GSE1: variants seen among roughly 807,000 people sequenced by gnomAD.
GSE1 encodes genetic suppressor element 1.
GSE1 carries 32 observed loss-of-function variants against 112.6 expected under a neutral mutation model. The ratio of observed to expected loss-of-function variants is 0.28; its 90% CI spans 0.21 to 0.38. The LOEUF (loss-of-function observed/expected upper bound fraction) is 0.38, where lower values mean the gene tolerates loss of function less well. Ranked by LOEUF, GSE1 falls within the 10% of genes least tolerant of loss-of-function variation. The probability of loss-of-function intolerance (pLI) is 1.00; values close to 1 mark genes in which losing one functional copy is unlikely to be tolerated. For synonymous variants in GSE1, 1,115 were observed against 735.6 expected (o/e 1.52, Z -8.35); for missense variants, 2,348 against 1,699.2 (o/e 1.38, Z -6.71).
chr16:85,289,370 G>A (rs1322682675), intron 1 of GSE1, among the ~76,000 whole-genome samples: 4 of 152,120 alleles, frequency 2.6e-5, no homozygotes, highest in Admixed American at 6.6e-5. Flanking sequence ...GTGGCCACCC[G>A]TGTCCAGCTC....
intron 1 of GSE1, among the ~76,000 whole-genome samples, chr16:85,305,469 T>G (rs564253640): frequency 2.5e-3 from 267 of 107,944 alleles, no homozygotes; most frequent in Non-Finnish European, 3.8e-3. Flanking sequence ...TTTTGTTGTT[T>G]TTTTTTTTTT....
chr16:85,565,066 G>C (rs1180883947), intron 1 of GSE1, among the ~76,000 whole-genome samples: 2 of 152,092 alleles, frequency 1.3e-5, no homozygotes, highest in Admixed American at 1.3e-4. Flanking sequence ...ACTCGATTCT[G>C]TTGTCAGTGA....
chr16:85,611,571 G>A, upstream of GSE1: 1 of 751,780 alleles, frequency 1.3e-6, no homozygotes, highest in Non-Finnish European at 1.6e-6. Context: ...TCGCCGGTCC[G>A]TTTCCCTTTT....
chr16:85,356,224 G>A (rs980661254), intron 1 of GSE1, among the ~76,000 whole-genome samples: 3 of 152,186 alleles, frequency 2.0e-5, no homozygotes, highest in Non-Finnish European at 2.9e-5. Context: ...CATCATCGTC[G>A]TCGTCATGGT....
At chr16:85,664,709 T>C in intron 11 of GSE1, 1 of 252,082 alleles carries the variant, frequency 4.0e-6, no homozygotes, top group Non-Finnish European at 7.7e-6. Flanking sequence ...TGACTTGAAA[T>C]AAGAATACAT....
At chr16:85,171,839 C>T in intron 1 of GSE1, 1 of 964,314 alleles carries the variant, frequency 1.0e-6, no homozygotes, top group African/African-American at 1.8e-5. Context: ...ATCTTAGACG[C>T]TTCCTCCAAA....
chr16:85,331,709 T>TATATATATA (rs1567693601), intron 1 of GSE1, among the ~76,000 whole-genome samples: 1 of 20,574 alleles, frequency 4.9e-5, no homozygotes, highest in African/African-American at 1.4e-4. Context: ...ATATATATAT[T>TATATATATA]TTTTTTTTTT....
chr16:85,493,786 G>A (rs2051084185), intron 2 of GSE1, among the ~76,000 whole-genome samples: 3 of 106,070 alleles, frequency 2.8e-5, no homozygotes, highest in South Asian at 3.1e-4. Context: ...GTGAGACTCC[G>A]TCTCAAAAAA....
chr16:85,328,490 C>A (rs1187777853), intron 1 of GSE1, among the ~76,000 whole-genome samples: 1 of 152,228 alleles, frequency 6.6e-6, no homozygotes, highest in Non-Finnish European at 1.5e-5. Context: ...ACTCCAGGCT[C>A]CTTTCAAGCT....
At chr16:85,670,104 G>A (rs142137260) in intron 14 of GSE1, among the ~76,000 whole-genome samples, 1 of 152,212 alleles carries the variant, frequency 6.6e-6, no homozygotes, top group African/African-American at 2.4e-5. Flanking sequence ...CATCATTTTT[G>A]GACGTGAAGT....
chr16:85,375,125 TAG>T (rs1342047217), intron 2 of GSE1, among the ~76,000 whole-genome samples: 5 of 152,100 alleles, frequency 3.3e-5, no homozygotes, highest in Admixed American at 3.3e-4. Context: ...GACTGTAGGA[TAG>T]AGTGAGTTGG....
intron 1 of GSE1, among the ~76,000 whole-genome samples, chr16:85,601,280 T>G (rs1598338530): frequency 5.1e-5 from 7 of 136,572 alleles, no homozygotes; most frequent in Admixed American, 1.5e-4. Context: ...GTGTGAGGGG[T>G]GGGAGGGGAG....
At chr16:85,600,744 T>G (rs1022640612) in intron 1 of GSE1, among the ~76,000 whole-genome samples, 11 of 151,984 alleles carry the variant, frequency 7.2e-5, no homozygotes, top group African/African-American at 2.7e-4. Context: ...CCTTGTCAAC[T>G]GGGGAAAGGC....
In GSE1 at chr16:85,673,217, C is replaced by G. The variant is rs1051431117; in HGVS notation, c.*678C>G. 1 of 152,502 alleles carries G rather than the reference C, an allele frequency of 6.6e-6. No individual in the cohort carries two copies. The highest frequency in any genetic ancestry group is 2.4e-5 in the African/African-American group (1 of 41,400). 9.4% of individuals were successfully genotyped at this position (152,502 alleles called of 1,614,324 possible). ...CTCCGTGGGGAGCATGTACAGAGCT[C>G]TGTGTATACACAGCTTCACACCCAC... On this transcript the variant is annotated 3_prime_UTR_variant, in exon 16 of 16. Transcript: ENST00000253458.
At chr16:85,499,295 CTTTTTTTTTTTTTTTT>C (rs568776401) in intron 2 of GSE1, among the ~76,000 whole-genome samples, 5 of 77,194 alleles carry the variant, frequency 6.5e-5, no homozygotes, top group Non-Finnish European at 7.2e-5. Context: ...GGAAAGTCAC[CTTTTTTTTTTTTTTTT>C]TTTTTTTTTT....
intron 1 of GSE1, among the ~76,000 whole-genome samples, chr16:85,199,330 C>T (rs965368958): frequency 1.3e-5 from 2 of 152,142 alleles, no homozygotes; most frequent in African/African-American, 4.8e-5. Context: ...AAGCAATCCT[C>T]CCGCCTCAGC....
rs1158304746 is a variant in GSE1, at chr16:85,656,731, C to T, written c.1312+66C>T. On this transcript the variant is annotated intron_variant, in intron 7 of 15. Transcript: ENST00000253458. The stretch of plus-strand genomic sequence containing the variant: ...CCACCCGCGGGGAGGAGCCCTGAAT[C>T]GCAGCACCTGCCGGTTGCCGTGGTG... The T allele has an allele frequency of 1.3e-5, 19 of 1,439,620 alleles. 1 individual carries two copies. The South Asian group carries it at 2.1e-4, about 16-fold the overall frequency. 89.2% of individuals were successfully genotyped at this position (1,439,620 alleles called of 1,614,324 possible).
At chr16:85,266,948 C>T (rs114595559) in intron 1 of GSE1, among the ~76,000 whole-genome samples, 1,777 of 152,288 alleles carry the variant, frequency 0.012, 39 homozygotes, top group African/African-American at 0.039. Flanking sequence ...CTGCTCAGCG[C>T]GGGGACAGGA....
At chr16:85,547,107 T>A (rs1232654533) in intron 2 of GSE1, among the ~76,000 whole-genome samples, 3 of 152,208 alleles carry the variant, frequency 2.0e-5, no homozygotes, top group Non-Finnish European at 4.4e-5. Flanking sequence ...TCTCAGTCCC[T>A]GTGACACACC....
Sources: gnomAD v4.1 joint callset for allele counts (sites outside exome capture counted in the v4.1 genomes callset) on GRCh38, gnomAD v4.1.1 for gene constraint, MANE v1.5 for transcripts, NCBI Gene and HGNC (gene_info 2026-07-23, HGNC 2026-07-21) for gene names.